LGMN: variants seen among roughly 807,000 people sequenced by gnomAD.
LGMN encodes the protein legumain, also known as asparaginyl endopeptidase.
A neutral mutation model predicts 56.8 loss-of-function variants in LGMN; 36 were observed. That is an observed-to-expected ratio of 0.63 (90% confidence interval 0.49 to 0.84). The LOEUF (loss-of-function observed/expected upper bound fraction) is 0.84, where lower values mean the gene tolerates loss of function less well. Among genes scored for constraint, LGMN ranks in the 40% least tolerant of loss-of-function variants. The probability of loss-of-function intolerance (pLI) is 0.00; values close to 1 mark genes in which losing one functional copy is unlikely to be tolerated. For missense variants in LGMN, 446 were observed against 556.1 expected (o/e 0.80, Z 1.99); for synonymous variants, 199 against 210.1 (o/e 0.95, Z 0.46).
At chr14:92,720,068 G>A (rs936455299) in intron 2 of LGMN, among the ~76,000 whole-genome samples, 2 of 152,160 alleles carry the variant, frequency 1.3e-5, no homozygotes, top group African/African-American at 4.8e-5. Context: ...CAAACAAATG[G>A]ACTTATTTTA....
intron 8 of LGMN, among the ~76,000 whole-genome samples, chr14:92,712,443 C>T (rs942022698): frequency 1.3e-5 from 2 of 152,160 alleles, no homozygotes; most frequent in African/African-American, 4.8e-5. Flanking sequence ...TATCTTTATC[C>T]CCATTTTACA....
chr14:92,735,788 ATT>A (rs1891273659), intron 1 of LGMN, among the ~76,000 whole-genome samples: 2 of 151,624 alleles, frequency 1.3e-5, no homozygotes, highest in Admixed American at 1.3e-4. Flanking sequence ...ATGCTCCCAG[ATT>A]TGTTTTTTTC....
chr14:92,746,903 G>A (rs1891844011), intron 1 of LGMN, among the ~76,000 whole-genome samples: 1 of 152,120 alleles, frequency 6.6e-6, no homozygotes, highest in Admixed American at 6.6e-5. Flanking sequence ...GGGCGTGGTG[G>A]CGGGCGCCTG....
chr14:92,712,015 G>T (rs1595530747), intron 8 of LGMN, 60 bp from the exon 9 acceptor site: 1 of 1,263,820 alleles, frequency 7.9e-7, no homozygotes, highest in Non-Finnish European at 1.2e-6. Context: ...GATTACGCTT[G>T]AAGCTTGAGT....
rs1333251833 is a variant in LGMN at position 92,704,016 on chromosome 14, C to T, written c.*303G>A. On this transcript the variant is annotated 3_prime_UTR_variant, in exon 14 of 14. Coordinates refer to ENST00000334869, the MANE Select transcript of LGMN (RefSeq NM_005606.7). ...CTCCTTTTGAGAGGGGCTACAGAAGCCCCCATGAGCTTCCTGCTCCTCAAA... is the reference window on the plus strand; with the variant it reads ...CTCCTTTTGAGAGGGGCTACAGAAGTCCCCATGAGCTTCCTGCTCCTCAAA... The T allele has an allele frequency of 1.5e-6, 1 of 676,824 alleles. No individual in the cohort carries two copies. The highest frequency in any genetic ancestry group is 2.7e-5 in the East Asian group (1 of 37,084). The allele number at this position is 676,824 out of a possible 1,614,324, so 41.9% of individuals were successfully genotyped here. A position where few individuals can be genotyped will look rare whatever the true frequency, so the allele number is the denominator to read the frequency against.
At chr14:92,739,316 A>T (rs2140275898) in intron 1 of LGMN, among the ~76,000 whole-genome samples, 1 of 152,284 alleles carries the variant, frequency 6.6e-6, no homozygotes, top group South Asian at 2.1e-4. Context: ...CGCCGGCTAA[A>T]CTACTCATTC....
chr14:92,721,182 G>A (rs376961490), intron 2 of LGMN, among the ~76,000 whole-genome samples: 209 of 152,312 alleles, frequency 1.4e-3, no homozygotes, highest in African/African-American at 4.6e-3. Context: ...AAGCCACGGC[G>A]CCTGGCCTTC....
At chr14:92,715,249 C>T (rs557973080) in intron 5 of LGMN, among the ~76,000 whole-genome samples, 4 of 150,384 alleles carry the variant, frequency 2.7e-5, no homozygotes, top group Admixed American at 6.6e-5. Flanking sequence ...GACAGAGTCT[C>T]ACTCTGTCAC....
At position 92,712,780 on chromosome 14, in the gene LGMN, C is replaced by T. The variant is rs56932671; in HGVS notation, c.610+25G>A. The T allele has an allele frequency of 1.2e-3, 1,947 of 1,609,980 alleles. 16 individuals are homozygous for T. In the African/African-American group the frequency reaches 0.024, roughly 20 times the overall value. Reference sequence around the variant, plus strand: ...GAGCAACCTGCTTGCCAGCCCAGGTCGAGGCCGGCGCCCCAACCACCTACC... The same window carrying T: ...GAGCAACCTGCTTGCCAGCCCAGGTTGAGGCCGGCGCCCCAACCACCTACC... On this transcript the variant is annotated intron_variant, in intron 8 of 13. Transcript: ENST00000334869.
intron 2 of LGMN, among the ~76,000 whole-genome samples, chr14:92,722,665 A>C (rs1890539395): frequency 6.6e-6 from 1 of 152,234 alleles, no homozygotes; most frequent in African/African-American, 2.4e-5. Context: ...ATTATTAAAA[A>C]AATGAAAAGA....
At chr14:92,710,076 A>C (rs977881310) in intron 10 of LGMN, among the ~76,000 whole-genome samples, 4 of 152,180 alleles carry the variant, frequency 2.6e-5, no homozygotes, top group Non-Finnish European at 4.4e-5. Flanking sequence ...TCTGAAAGGC[A>C]TGGTCACCCC....
At chr14:92,740,264 G>A (rs563143221) in intron 1 of LGMN, among the ~76,000 whole-genome samples, 5 of 152,162 alleles carry the variant, frequency 3.3e-5, no homozygotes, top group Middle Eastern at 3.2e-3. Context: ...AAGAAAGAAA[G>A]AAAGAAAGAC....
At chr14:92,704,487 G>A (rs965789243) in intron 13 of LGMN, 126 bp from the exon 14 acceptor site, 149 of 1,045,354 alleles carry the variant, frequency 1.4e-4, no homozygotes, top group Non-Finnish European at 1.9e-4. Context: ...CACTGAGAAC[G>A]TGGCTTCTGG....
chr14:92,726,910 G>C (rs985199372), intron 2 of LGMN, among the ~76,000 whole-genome samples: 3 of 152,228 alleles, frequency 2.0e-5, no homozygotes, highest in African/African-American at 7.2e-5. Context: ...ACATGAGCAC[G>C]TGATGCAATT....
chr14:92,704,898 C>A, intron 12 of LGMN, 191 bp from the exon 13 acceptor site: 1 of 551,912 alleles, frequency 1.8e-6, no homozygotes, highest in Non-Finnish European at 3.4e-6. Context: ...GCACACATGC[C>A]AGGGTTTGCA....
chr14:92,734,787 T>A (rs1455808025), intron 1 of LGMN, among the ~76,000 whole-genome samples: 1 of 152,134 alleles, frequency 6.6e-6, no homozygotes, highest in African/African-American at 2.4e-5. Flanking sequence ...AAATATATAG[T>A]CACTGAGATG....
chr14:92,733,877 C>T (rs936748786), intron 1 of LGMN: 6 of 152,106 alleles, frequency 3.9e-5, no homozygotes, highest in Admixed American at 1.3e-4. Context: ...AAATAAACTA[C>T]ACAGAAAAAT....
At chr14:92,746,734 C>T (rs1223980512) in intron 1 of LGMN, among the ~76,000 whole-genome samples, 1 of 152,136 alleles carries the variant, frequency 6.6e-6, no homozygotes, top group African/African-American at 2.4e-5. Context: ...TCTATTCTCA[C>T]ACTCATAAAA....
intron 11 of LGMN, among the ~76,000 whole-genome samples, 172 bp from the exon 12 acceptor site, chr14:92,706,825 C>T (rs1889457651): frequency 6.6e-6 from 1 of 152,046 alleles, no homozygotes; most frequent in South Asian, 2.1e-4. Context: ...ATGTCTGTGC[C>T]CACTTGTGCG....
Sources: gnomAD v4.1 joint callset for allele counts (sites outside exome capture counted in the v4.1 genomes callset) on GRCh38, gnomAD v4.1.1 for gene constraint, MANE v1.5 for transcripts, NCBI Gene and HGNC (gene_info 2026-07-23, HGNC 2026-07-21) for gene names.